SGCD: variants seen among roughly 807,000 people sequenced by gnomAD.
SGCD encodes delta-sarcoglycan.
Under a neutral mutation model 36.6 loss-of-function variants are expected in SGCD, and 18 were observed. The observed-to-expected ratio is 0.49, with a 90% CI of 0.34 to 0.73. SGCD has a LOEUF of 0.73. Ranked by LOEUF, SGCD falls within the 30% of genes least tolerant of loss-of-function variation. The probability of loss-of-function intolerance (pLI) is 0.01; values close to 1 mark genes in which losing one functional copy is unlikely to be tolerated. For synonymous variants in SGCD, 133 were observed against 130.6 expected (o/e 1.02, Z -0.12); for missense variants, 387 against 346.7 (o/e 1.12, Z -0.92).
intron 6 of SGCD, among the ~76,000 whole-genome samples, chr5:156,613,389 T>C (rs1307998167): frequency 1.3e-5 from 2 of 152,256 alleles, no homozygotes; most frequent in African/African-American, 4.8e-5. Flanking sequence ...ATGGATTTTG[T>C]TGACATAGTC....
intron 3 of SGCD, among the ~76,000 whole-genome samples, chr5:156,210,742 A>C (rs1186994169): frequency 6.6e-6 from 1 of 151,904 alleles, no homozygotes; most frequent in African/African-American, 2.4e-5. Context: ...ACTTACAGAC[A>C]AGTTATTTGA....
chr5:155,926,509 A>G (rs888239078), intron 1 of SGCD, among the ~76,000 whole-genome samples: 6 of 152,258 alleles, frequency 3.9e-5, no homozygotes, highest in Admixed American at 3.3e-4. Context: ...GAACAAATAG[A>G]TATATAAAGT....
At chr5:156,513,193 T>C (rs1757016996) in intron 4 of SGCD, among the ~76,000 whole-genome samples, 1 of 152,192 alleles carries the variant, frequency 6.6e-6, no homozygotes, top group African/African-American at 2.4e-5. Flanking sequence ...AGGGCTTGCC[T>C]CTCTTTAAGC....
chr5:156,302,295 G>C (rs1767074792), intron 3 of SGCD, among the ~76,000 whole-genome samples: 2 of 151,754 alleles, frequency 1.3e-5, no homozygotes, highest in African/African-American at 4.8e-5. Context: ...TTCTGTTGTT[G>C]AGAGACTGAT....
At chr5:155,730,254 C>T in the SGCD span, among the ~76,000 whole-genome samples, 1 of 152,140 alleles carries the variant, frequency 6.6e-6, no homozygotes, top group East Asian at 1.9e-4. Flanking sequence ...ATATTCTAAT[C>T]CCTTAAAGCT....
At chr5:156,404,392 AG>A (rs1756220232) in intron 3 of SGCD, among the ~76,000 whole-genome samples, 2 of 152,228 alleles carry the variant, frequency 1.3e-5, no homozygotes, top group African/African-American at 4.8e-5. Flanking sequence ...AGCCAGAGCA[AG>A]GGGTTCACCT....
intron 1 of SGCD, among the ~76,000 whole-genome samples, chr5:156,077,400 A>T (rs1760814437): frequency 1.3e-5 from 2 of 152,130 alleles, no homozygotes; most frequent in Non-Finnish European, 2.9e-5. Context: ...CGATTGAGCA[A>T]CAAAAATATT....
intron 3 of SGCD, among the ~76,000 whole-genome samples, chr5:156,406,160 G>A (rs1772397607): frequency 6.6e-6 from 1 of 152,114 alleles, no homozygotes; most frequent in Admixed American, 6.6e-5. Flanking sequence ...AATTCTGTAA[G>A]GCAAGAAATA....
intron 3 of SGCD, among the ~76,000 whole-genome samples, chr5:156,427,219 T>C (rs1211748754): frequency 6.6e-6 from 1 of 152,198 alleles, no homozygotes; most frequent in African/African-American, 2.4e-5. Flanking sequence ...ATGATTTCTT[T>C]AAGCAATGTT....
chr5:156,430,975 T>C (rs1435973183), intron 3 of SGCD, among the ~76,000 whole-genome samples: 1 of 152,176 alleles, frequency 6.6e-6, no homozygotes, highest in African/African-American at 2.4e-5. Context: ...GGGAGAGGTA[T>C]CCCTGGGTAG....
Position 156,440,523 on chromosome 5 carries a change from T to C in SGCD, c.193-68078T>C, listed in dbSNP as rs191739221. ...ATATGGCAACTCCAGGTTTAACTTA[T>C]TGAGGAACTGCTGTACTATTTTCTG... On this transcript the variant is annotated intron_variant, in intron 3 of 8. Coordinates refer to ENST00000337851, the MANE Select transcript of SGCD (RefSeq NM_000337.6). 2.3e-4 allele frequency among the ~76,000 whole-genome samples: 35 copies of C among 152,298 alleles called. 1 individual carries two copies. The South Asian group carries it at 5.4e-3, about 23-fold the overall frequency.
At chr5:155,765,545 G>T in the SGCD span, among the ~76,000 whole-genome samples, 1 of 152,112 alleles carries the variant, frequency 6.6e-6, no homozygotes, top group Non-Finnish European at 1.5e-5. Context: ...ACAGAGAAGA[G>T]AAATTATGAT....
intron 4 of SGCD, among the ~76,000 whole-genome samples, chr5:156,537,850 A>AG (rs1244275293): frequency 6.6e-6 from 1 of 152,034 alleles, no homozygotes; most frequent in Non-Finnish European, 1.5e-5. Context: ...GAAAGAAAAA[A>AG]AAAAAAGATG....
At chr5:156,267,733 C>T (rs952327701) in intron 3 of SGCD, among the ~76,000 whole-genome samples, 6 of 152,178 alleles carry the variant, frequency 3.9e-5, no homozygotes, top group Non-Finnish European at 7.3e-5. Flanking sequence ...TAACCATCAC[C>T]AAGTAAATTG....
At chr5:156,408,638 C>T (rs1177790957) in intron 3 of SGCD, among the ~76,000 whole-genome samples, 7 of 152,292 alleles carry the variant, frequency 4.6e-5, no homozygotes, top group South Asian at 4.1e-4. Context: ...GGATTACAGG[C>T]GTGAACCACC....
chr5:156,558,644 A>AT (rs371339864), intron 4 of SGCD, among the ~76,000 whole-genome samples: 72 of 152,294 alleles, frequency 4.7e-4, no homozygotes, highest in Middle Eastern at 6.8e-3. Context: ...GCCACTTAGG[A>AT]AAGTATGTGA....
intron 4 of SGCD, among the ~76,000 whole-genome samples, chr5:156,516,670 A>G (rs1376241836): frequency 6.6e-6 from 1 of 152,216 alleles, no homozygotes; most frequent in South Asian, 2.1e-4. Flanking sequence ...GCTGAGATGA[A>G]TGAACTGACT....
At chr5:156,459,943 C>T (rs1449920706) in intron 3 of SGCD, among the ~76,000 whole-genome samples, 2 of 152,128 alleles carry the variant, frequency 1.3e-5, no homozygotes, top group African/African-American at 4.8e-5. Context: ...CTCCTCCTTT[C>T]CACCCAGACT....
chr5:155,801,350 T>TCATTTTC, the SGCD span, among the ~76,000 whole-genome samples: 6 of 152,334 alleles, frequency 3.9e-5, no homozygotes, highest in South Asian at 1.2e-3. Context: ...CACAGCTCAT[T>TCATTTTC]CATTTTACTC....
Sources: allele counts gnomAD v4.1 joint callset (sites outside exome capture counted in the v4.1 genomes callset), GRCh38; gene constraint gnomAD v4.1.1; transcripts MANE v1.5; gene names NCBI Gene and HGNC (gene_info 2026-07-23, HGNC 2026-07-21).